Variants in SOX5 observed in about 807,000 individuals in gnomAD.
The protein encoded by SOX5 is transcription factor SOX-5.
Under a neutral mutation model 92.0 loss-of-function variants are expected in SOX5, and 9 were observed. The ratio of observed to expected loss-of-function variants is 0.10; its 90% CI spans 0.06 to 0.17. The LOEUF is 0.17. Ranked by LOEUF, SOX5 falls within the 10% of genes least tolerant of loss-of-function variation. SOX5 has a pLI of 1.00. For synonymous variants in SOX5, 344 were observed against 336.3 expected, an observed-to-expected ratio of 1.02 and a Z score of -0.25; for missense variants, 642 against 944.5, an observed-to-expected ratio of 0.68 and a Z score of 4.20.
chr12:23,782,123 T>C (rs2095292785), intron 3 of SOX5, among the ~76,000 whole-genome samples: 1 of 152,116 alleles, frequency 6.6e-6, no homozygotes, highest in African/African-American at 2.4e-5. Context: ...AGTGGTATAA[T>C]TTCAGTTTCC....
chr12:23,553,899 T>C (rs1484443931), intron 11 of SOX5, among the ~76,000 whole-genome samples: 1 of 152,116 alleles, frequency 6.6e-6, no homozygotes, highest in Non-Finnish European at 1.5e-5. Flanking sequence ...ATAAAAGCTA[T>C]AAAACTGGCA....
At chr12:23,864,106 TC>T (rs2096786278) in intron 2 of SOX5, among the ~76,000 whole-genome samples, 1 of 152,162 alleles carries the variant, frequency 6.6e-6, no homozygotes, top group Admixed American at 6.5e-5. Flanking sequence ...CCCTATTTTT[TC>T]ATTATAATTA....
intron 4 of SOX5, among the ~76,000 whole-genome samples, chr12:24,140,378 G>T (rs1454920413): frequency 6.6e-6 from 1 of 152,116 alleles, no homozygotes; most frequent in Non-Finnish European, 1.5e-5. Flanking sequence ...CTTATAGAAA[G>T]AATACAAATT....
At chr12:23,750,572 A>G (rs2094150121) in intron 4 of SOX5, among the ~76,000 whole-genome samples, 1 of 151,908 alleles carries the variant, frequency 6.6e-6, no homozygotes, top group Non-Finnish European at 1.5e-5. Flanking sequence ...CATATCTACA[A>G]GAAAACAAAT....
chr12:23,543,759 C>T (rs1166615214), intron 12 of SOX5, among the ~76,000 whole-genome samples: 1 of 152,088 alleles, frequency 6.6e-6, no homozygotes, highest in African/African-American at 2.4e-5. Context: ...TAAAGAAGCA[C>T]AAATCAATTT....
At chr12:24,072,957 T>C (rs1019767201) in intron 4 of SOX5, among the ~76,000 whole-genome samples, 17 of 152,164 alleles carry the variant, frequency 1.1e-4, no homozygotes, top group African/African-American at 4.1e-4. Flanking sequence ...TACATTGGAG[T>C]TTTGGACACA....
At chr12:24,000,854 A>C (rs1477420187) in intron 4 of SOX5, among the ~76,000 whole-genome samples, 1 of 152,208 alleles carries the variant, frequency 6.6e-6, no homozygotes, top group East Asian at 1.9e-4. Flanking sequence ...ATGATGGAAA[A>C]GATATATCGT....
intron 3 of SOX5, among the ~76,000 whole-genome samples, chr12:23,765,553 T>C (rs924656462): frequency 2.7e-4 from 41 of 151,982 alleles, no homozygotes; most frequent in African/African-American, 9.7e-4. Flanking sequence ...AGTTTTACTT[T>C]TCCTGCATCA....
intron 5 of SOX5, among the ~76,000 whole-genome samples, chr12:23,735,505 T>C (rs910243506): frequency 2.0e-5 from 3 of 152,190 alleles, no homozygotes; most frequent in African/African-American, 7.2e-5. Context: ...TTAGTCACCT[T>C]TAATGGCTCT....
chr12:23,589,898 G>A (rs768599362), intron 9 of SOX5, among the ~76,000 whole-genome samples: 1 of 151,958 alleles, frequency 6.6e-6, no homozygotes, highest in Non-Finnish European at 1.5e-5. Context: ...GGATGATTAA[G>A]CTATAATCCC....
intron 3 of SOX5, among the ~76,000 whole-genome samples, chr12:23,760,348 T>C (rs1468407243): frequency 6.6e-6 from 1 of 152,062 alleles, no homozygotes; most frequent in Non-Finnish European, 1.5e-5. Context: ...AGGATCTGTC[T>C]CTTTAGGGGA....
rs986245441 is a variant in SOX5, at chr12:24,074,298, T to C, written c.-2+139045A>G. ...TCTCTAGACCACAAATGACACCAAA[T>C]TCAGCAGATCGAATCAAACCTGTAT... On this transcript the variant is annotated intron_variant, in intron 4 of 4. Transcript: ENST00000446891. Among the ~76,000 whole-genome samples, 8 of 152,102 alleles carry C rather than the reference T, an allele frequency of 5.3e-5. No individual in the cohort carries two copies. The South Asian group carries it at 1.5e-3, about 28-fold the overall frequency.
intron 2 of SOX5, among the ~76,000 whole-genome samples, chr12:24,289,291 CA>C (rs1389626362): frequency 1.4e-5 from 2 of 144,878 alleles, no homozygotes; most frequent in African/African-American, 4.9e-5. Flanking sequence ...AAAAAAAAAA[CA>C]AAAACAAAAA....
chr12:23,880,487 G>T (rs1430626601), intron 2 of SOX5, among the ~76,000 whole-genome samples: 1 of 152,156 alleles, frequency 6.6e-6, no homozygotes, highest in Admixed American at 6.5e-5. Flanking sequence ...CCTATATGTA[G>T]ATTTCAGAAA....
At chr12:24,510,448 C>T (rs936796996) in intron 1 of SOX5, among the ~76,000 whole-genome samples, 1 of 152,084 alleles carries the variant, frequency 6.6e-6, no homozygotes, top group African/African-American at 2.4e-5. Context: ...GAGTTATGCC[C>T]CCAAATGCTG....
At chr12:24,316,177 A>G (rs1160676681) in intron 2 of SOX5, among the ~76,000 whole-genome samples, 2 of 152,206 alleles carry the variant, frequency 1.3e-5, no homozygotes, top group East Asian at 3.8e-4. Context: ...GTATCTCAAG[A>G]TGATTTTCAA....
intron 8 of SOX5, 53 bp downstream of exon 8, chr12:23,640,759 T>G: frequency 7.9e-7 from 1 of 1,260,934 alleles, no homozygotes; most frequent in Non-Finnish European, 1.2e-6. Context: ...CCATAATAGC[T>G]GTTTTCGATA....
intron 1 of SOX5, among the ~76,000 whole-genome samples, chr12:23,930,129 T>G (rs1225892085): frequency 6.6e-6 from 1 of 151,860 alleles, no homozygotes; most frequent in African/African-American, 2.4e-5. Flanking sequence ...ACTGCGTTAC[T>G]GAGTCATGTG....
intron 4 of SOX5, among the ~76,000 whole-genome samples, chr12:24,092,347 C>T (rs983381547): frequency 3.3e-5 from 5 of 151,960 alleles, no homozygotes; most frequent in African/African-American, 9.7e-5. Flanking sequence ...CTTTAAAGAT[C>T]CCACAAACGG....
Sources: gnomAD v4.1 joint callset for allele counts (sites outside exome capture counted in the v4.1 genomes callset) on GRCh38, gnomAD v4.1.1 for gene constraint, MANE v1.5 for transcripts, NCBI Gene and HGNC (gene_info 2026-07-23, HGNC 2026-07-21) for gene names.